ITIH6: variants seen among roughly 807,000 people sequenced by gnomAD.
ITIH6 encodes the protein inter-alpha-trypsin inhibitor heavy chain family member 6, also known as inter-alpha-trypsin inhibitor heavy chain H6.
ITIH6 carries 60 observed loss-of-function variants against 58.2 expected under a neutral mutation model. The ratio of observed to expected loss-of-function variants is 1.03; its 90% CI spans 0.84 to 1.28. ITIH6 has a LOEUF of 1.28. Ranked by LOEUF, ITIH6 falls within the 50% of genes most tolerant of loss-of-function variation. ITIH6 has a pLI of 0.00. For synonymous variants in ITIH6, 493 were observed against 417.4 expected, an observed-to-expected ratio of 1.18 and a Z score of -2.21; for missense variants, 1,290 against 1,021.1, an observed-to-expected ratio of 1.26 and a Z score of -3.59.
At chrX:54,754,222 C>T (rs1338259797) in intron 9 of ITIH6, among the ~76,000 whole-genome samples, 1 of 111,644 alleles carries the variant, frequency 9.0e-6, no homozygotes, top group African/African-American at 3.3e-5. Flanking sequence ...TTTCCCTTAA[C>T]TACCAAGGAT....
At chrX:54,785,229 G>T (rs1450382947) in intron 5 of ITIH6, among the ~76,000 whole-genome samples, 1 of 109,653 alleles carries the variant, frequency 9.1e-6, no homozygotes, top group East Asian at 2.9e-4. Flanking sequence ...GGGAGATGGG[G>T]GGTGGGGAAG....
intron 6 of ITIH6, among the ~76,000 whole-genome samples, chrX:54,768,547 G>T (rs1194614126): frequency 1.3e-3 from 135 of 104,426 alleles, no homozygotes; most frequent in Non-Finnish European, 2.3e-3. Context: ...TCCTTTCCAT[G>T]TTTAGTGCTT....
chrX:54,762,180 A>G (rs1602054023), intron 6 of ITIH6, among the ~76,000 whole-genome samples: 1 of 111,231 alleles, frequency 9.0e-6, no homozygotes, highest in Non-Finnish European at 1.9e-5. Flanking sequence ...ATTCCTAGGT[A>G]TTTTATTCTC....
chrX:54,759,968 T>C (rs1162707360), intron 6 of ITIH6, 41 bp from the exon 7 acceptor site: 2 of 1,070,370 alleles, frequency 1.9e-6, no homozygotes, highest in Non-Finnish European at 2.6e-6. Context: ...GGACAAGACT[T>C]GAGGTCTATG....
chrX:54,756,919 T>C, intron 8 of ITIH6, 46 bp downstream of exon 8: 1 of 875,785 alleles, frequency 1.1e-6, no homozygotes. Context: ...GTACTGTCCA[T>C]TCATACCTCA....
chrX:54,788,763 T>G (rs1296748909), intron 4 of ITIH6, 114 bp from the exon 5 acceptor site: 1 of 572,466 alleles, frequency 1.7e-6, no homozygotes, highest in African/African-American at 2.3e-5. Context: ...AGTCTAACTC[T>G]TCCCCAAACC....
intron 9 of ITIH6, 110 bp from the exon 10 acceptor site, chrX:54,754,075 G>A: frequency 2.5e-6 from 2 of 785,046 alleles, no homozygotes; most frequent in Middle Eastern, 2.9e-4. Flanking sequence ...AGCATTTAAG[G>A]CTTTTCTGAA....
intron 4 of ITIH6, 92 bp from the exon 5 acceptor site, chrX:54,788,741 G>T: frequency 1.4e-6 from 1 of 725,191 alleles, no homozygotes; most frequent in Non-Finnish European, 2.1e-6. Flanking sequence ...GTGCTATCTG[G>T]GGAGGGTGAG....
At chrX:54,785,707 T>C (rs1929230878) in intron 5 of ITIH6, among the ~76,000 whole-genome samples, 1 of 111,488 alleles carries the variant, frequency 9.0e-6, no homozygotes, top group South Asian at 3.8e-4. Context: ...TCGCAGTGCT[T>C]CCCATTATTT....
intron 11 of ITIH6, among the ~76,000 whole-genome samples, chrX:54,752,236 A>T (rs150906449): frequency 4.5e-5 from 5 of 112,199 alleles, no homozygotes; most frequent in Admixed American, 9.4e-5. Context: ...TTGTTACAAC[A>T]CGGATGAACC....
chrX:54,788,357 ATCCTTG>A (rs1929280015), intron 5 of ITIH6, 117 bp downstream of exon 5: 3 of 574,308 alleles, frequency 5.2e-6, no homozygotes, highest in Non-Finnish European at 8.2e-6. Context: ...ACGTCAGCCT[ATCCTTG>A]TTCCCTAGCC....
rs376186846 is a variant in ITIH6, at chrX:54,762,169, G to T, written c.904-2242C>A. 3.6e-3 allele frequency among the ~76,000 whole-genome samples: 396 copies of T among 111,534 alleles called. 2 individuals are homozygous for T. Among genetic ancestry groups the T allele is most frequent in the African/African-American group, 0.012 (362 of 30,697 alleles). ...AGTCCTTCACATCCCTTGTAAGTTG[G>T]ATTCCTAGGTATTTTATTCTCTTTG... On this transcript the variant is annotated intron_variant, in intron 6 of 12. Coordinates refer to ENST00000218436, the MANE Select transcript of ITIH6 (RefSeq NM_198510.3).
intron 6 of ITIH6, 140 bp from the exon 7 acceptor site, chrX:54,760,067 GGATTCTCAGGTGAAAA>G: frequency 2.0e-6 from 1 of 488,738 alleles, no homozygotes; most frequent in East Asian, 3.6e-5. Context: ...TGTGAATCTA[GGATTCTCAGGTGAAAA>G]GACTCTATGG....
chrX:54,759,035 G>A lies in ITIH6; in HGVS notation c.1076-37C>T, dbSNP rs748488629. 7.9e-6 allele frequency: 8 copies of A among 1,017,611 alleles called. No individual in the cohort carries two copies. The African/African-American group carries it at 1.3e-4, about 17-fold the overall frequency. 83.9% of individuals were successfully genotyped at this position (1,017,611 alleles called of 1,213,427 possible). On this transcript the variant is annotated intron_variant, in intron 7 of 12. Coordinates refer to ENST00000218436, the MANE Select transcript of ITIH6 (RefSeq NM_198510.3). ...ATAGATTGTGAGACCATCTTCTCTG[G>A]TCACTTCTACCCCCATTGCAGACAC...
At chrX:54,774,251 A>G in intron 5 of ITIH6, 54 bp from the exon 6 acceptor site, 3 of 652,855 alleles carry the variant, frequency 4.6e-6, no homozygotes, top group East Asian at 7.3e-5. Flanking sequence ...GTGAAAGCCA[A>G]TCTAAATCAG....
intron 9 of ITIH6, among the ~76,000 whole-genome samples, chrX:54,754,514 TAA>T (rs1299217804): frequency 8.9e-6 from 1 of 111,907 alleles, no homozygotes; most frequent in East Asian, 2.8e-4. Context: ...CAGAGAAATT[TAA>T]AGTGTGAGAA....
chrX:54,767,544 C>G (rs1232698232), intron 6 of ITIH6, among the ~76,000 whole-genome samples: 2 of 99,298 alleles, frequency 2.0e-5, no homozygotes, highest in African/African-American at 8.6e-5. Flanking sequence ...ATAAATTTCC[C>G]TCTACACACT....
intron 6 of ITIH6, among the ~76,000 whole-genome samples, chrX:54,771,838 A>C (rs185881837): frequency 0.01 from 1,153 of 111,953 alleles, 10 homozygotes; most frequent in African/African-American, 0.036. Context: ...TTAAAAAAAA[A>C]CAACAACAAC....
At chrX:54,756,522 G>T (rs1221550886) in intron 8 of ITIH6, among the ~76,000 whole-genome samples, 1 of 111,330 alleles carries the variant, frequency 9.0e-6, no homozygotes, top group Non-Finnish European at 1.9e-5. Context: ...GGAAATTAAA[G>T]ATAATTTTAA....
Sources: allele counts gnomAD v4.1 joint callset (sites outside exome capture counted in the v4.1 genomes callset), GRCh38; gene constraint gnomAD v4.1.1; transcripts MANE v1.5; gene names NCBI Gene and HGNC (gene_info 2026-07-23, HGNC 2026-07-21).